Variants in MACC1 observed in about 807,000 individuals in gnomAD.
MACC1 encodes the protein metastasis-associated in colon cancer protein 1.
MACC1 carries 79 observed loss-of-function variants against 70.7 expected under a neutral mutation model. The observed-to-expected ratio is 1.12, with a 90% CI of 0.93 to 1.35. MACC1 has a LOEUF of 1.35. Ranked by LOEUF, MACC1 falls within the 40% of genes most tolerant of loss-of-function variation. The pLI, the probability that MACC1 is intolerant of heterozygous loss-of-function variation, is 0.00. For synonymous variants in MACC1, 361 were observed against 347.2 expected (o/e 1.04, Z -0.44); for missense variants, 1,106 against 978.1 (o/e 1.13, Z -1.74).
chr7:20,136,778 T>C lies in MACC1; in HGVS notation c.*4168A>G, dbSNP rs1033390494. The stretch of plus-strand genomic sequence containing the variant: ...AGAAGGAGGAGGGACTTACTTCTCC[T>C]CCTTGCGATTATTATTGCGATTAAG... On this transcript the variant is annotated 3_prime_UTR_variant, in exon 7 of 7. Coordinates refer to ENST00000400331, the MANE Select transcript of MACC1 (RefSeq NM_182762.4). 2.6e-5 allele frequency: 4 copies of C among 151,814 alleles called. No individual in the cohort carries two copies. Among genetic ancestry groups the C allele is most frequent in the African/African-American group, 9.7e-5 (4 of 41,404 alleles). The allele number at this position is 151,814 out of a possible 1,614,324, so 9.4% of individuals were successfully genotyped here. A position where few individuals can be genotyped will look rare whatever the true frequency, so the allele number is the denominator to read the frequency against.
chr7:20,205,038 A>G lies in MACC1; in HGVS notation c.-218+12261T>C, dbSNP rs181161012. Among the ~76,000 whole-genome samples the G allele has an allele frequency of 2.6e-3, 393 of 152,304 alleles. 2 individuals carry two copies. The highest frequency in any genetic ancestry group is 9.1e-3 in the African/African-American group (378 of 41,562). ...AATGAGCAAGTTTCGGTAAATTTTT[A>G]AAAGTTTGATATATGAATTCATACT... is the stretch of plus-strand genomic sequence containing the variant. On this transcript the variant is annotated intron_variant, in intron 1 of 6. Coordinates refer to ENST00000400331, the MANE Select transcript of MACC1 (RefSeq NM_182762.4).
At chr7:20,155,643 A>G (rs1003641594) in intron 5 of MACC1, among the ~76,000 whole-genome samples, 7 of 152,208 alleles carry the variant, frequency 4.6e-5, no homozygotes, top group African/African-American at 1.7e-4. Context: ...ATGAAACAAT[A>G]AGTTAAAATG....
chr7:20,210,507 AAATG>A (rs1347045053), intron 1 of MACC1, among the ~76,000 whole-genome samples: 1 of 152,246 alleles, frequency 6.6e-6, no homozygotes, highest in Non-Finnish European at 1.5e-5. Context: ...CTAACTGAAT[AAATG>A]AATGAATGAC....
In MACC1 at chr7:20,176,430, T is replaced by G. The variant is rs542024644; in HGVS notation, c.-217-5652A>C. Among the ~76,000 whole-genome samples, 5 of 152,206 alleles carry G rather than the reference T, an allele frequency of 3.3e-5. No individual in the cohort carries two copies. In the South Asian group the frequency reaches 1.0e-3, roughly 32 times the overall value. ...GTATTGAATTGATCAAGTCTATTGT[T>G]TTCAAAGCCTGTATTACTAATCATC... is the stretch of plus-strand genomic sequence containing the variant. On this transcript the variant is annotated intron_variant, in intron 1 of 6. Coordinates refer to ENST00000400331, the MANE Select transcript of MACC1 (RefSeq NM_182762.4).
chr7:20,181,955 T>C (rs2128105966), intron 1 of MACC1, among the ~76,000 whole-genome samples: 1 of 151,996 alleles, frequency 6.6e-6, no homozygotes, highest in Middle Eastern at 3.4e-3. Context: ...TAAAAATTAG[T>C]GATAGACTGG....
chr7:20,135,702 C>T lies in MACC1; in HGVS notation c.*5244G>A, dbSNP rs747439054. 2.0e-5 allele frequency: 3 copies of T among 152,226 alleles called. No individual in the cohort carries two copies. Among genetic ancestry groups the T allele is most frequent in the Non-Finnish European group, 4.4e-5 (3 of 68,066 alleles). The allele number at this position is 152,226 out of a possible 1,614,324, so 9.4% of individuals were successfully genotyped here. ...ACCACTGCCGTAATGATTGCCTGGT[C>T]TAAGGCCTTGACAATGAGACTGGAG... On this transcript the variant is annotated 3_prime_UTR_variant, in exon 7 of 7. Transcript: ENST00000400331.
intron 1 of MACC1, among the ~76,000 whole-genome samples, chr7:20,210,663 C>G (rs1782981860): frequency 6.6e-6 from 1 of 152,104 alleles, no homozygotes; most frequent in Non-Finnish European, 1.5e-5. Flanking sequence ...TATTTTGCCC[C>G]CATTTCCCCA....
intron 1 of MACC1, among the ~76,000 whole-genome samples, chr7:20,206,215 T>G (rs191907884): frequency 1.3e-5 from 2 of 152,028 alleles, no homozygotes; most frequent in Admixed American, 1.3e-4. Context: ...CATTATTGTC[T>G]CTTCCTTCCC....
intron 1 of MACC1, among the ~76,000 whole-genome samples, chr7:20,194,946 G>A (rs1782727283): frequency 6.6e-6 from 1 of 152,074 alleles, no homozygotes; most frequent in Admixed American, 6.5e-5. Flanking sequence ...GATGAGATGT[G>A]GAATTTGCCT....
At chr7:20,213,752 T>C (rs1172229145) in intron 1 of MACC1, among the ~76,000 whole-genome samples, 2 of 151,924 alleles carry the variant, frequency 1.3e-5, no homozygotes, top group East Asian at 3.9e-4. Flanking sequence ...CCGAGGCCAA[T>C]TGAAGGGTGG....
chr7:20,175,805 C>T lies in MACC1; in HGVS notation c.-217-5027G>A, dbSNP rs1782382373. Among the ~76,000 whole-genome samples the T allele has an allele frequency of 2.0e-5, 3 of 152,208 alleles. No individual in the cohort carries two copies. In the South Asian group the frequency reaches 6.2e-4, roughly 32 times the overall value. ...TTGGCCCCAGTGATAAAACCTAATG[C>T]TAATATGTTTGCTGACGGTGAAGCT... On this transcript the variant is annotated intron_variant, in intron 1 of 6. Coordinates refer to ENST00000400331, the MANE Select transcript of MACC1 (RefSeq NM_182762.4).
intron 1 of MACC1, among the ~76,000 whole-genome samples, chr7:20,180,155 T>C (rs1479706407): frequency 6.6e-6 from 1 of 152,082 alleles, no homozygotes; most frequent in Non-Finnish European, 1.5e-5. Context: ...CAAAAATATA[T>C]AGGCAATGGC....
In MACC1 at chr7:20,160,195, G is replaced by A. The variant is rs556122448; in HGVS notation, c.166C>T (p.Arg56Cys). 2.9e-5 allele frequency: 47 copies of A among 1,603,298 alleles called. No homozygotes were observed. In the Admixed American group the frequency reaches 5.7e-4, roughly 20 times the overall value. Residue 56 changes from arginine (R) to cysteine (C), a missense_variant, in exon 5 of 7, where the codon CGT becomes TGT. Arg to Cys is a radical substitution (Grantham distance 180, BLOSUM62 -3). Transcript: ENST00000400331. Reference protein sequence around the residue: ...LHNWPDAFTLRGNNASKVANP... With the variant: ...LHNWPDAFTLCGNNASKVANP... ...GCAACTTTGGAAGCATTATTACCAC[G>A]AAGGGTGAAAGCATCCGGCCAATTG...
intron 1 of MACC1, among the ~76,000 whole-genome samples, chr7:20,172,032 T>C (rs1296420943): frequency 6.6e-6 from 1 of 152,090 alleles, no homozygotes; most frequent in Non-Finnish European, 1.5e-5. Context: ...TAAAAAGACA[T>C]AACTAATGAG....
chr7:20,203,635 A>G (rs1020572021), intron 1 of MACC1, among the ~76,000 whole-genome samples: 3 of 152,174 alleles, frequency 2.0e-5, no homozygotes, highest in African/African-American at 7.2e-5. Flanking sequence ...CTGGATTGGG[A>G]TAGTCCTTCA....
chr7:20,136,971 A>G lies in MACC1; in HGVS notation c.*3975T>C, dbSNP rs1583373552. 6.7e-6 allele frequency: 1 copy of G among 148,892 alleles called. No homozygotes were observed. Among genetic ancestry groups the G allele is most frequent in the African/African-American group, 2.4e-5 (1 of 40,962 alleles). The allele number at this position is 148,892 out of a possible 1,614,324, so 9.2% of individuals were successfully genotyped here. A position where few individuals can be genotyped will look rare whatever the true frequency, so the allele number is the denominator to read the frequency against. On this transcript the variant is annotated 3_prime_UTR_variant, in exon 7 of 7. Coordinates refer to ENST00000400331, the MANE Select transcript of MACC1 (RefSeq NM_182762.4). ...ATTCTTAAAGATTATGAATTATAAT[A>G]TTAAATTATAATTAATTCTTAAAGA...
In MACC1 at chr7:20,161,879, T is replaced by C; in HGVS notation, c.-8-9A>G. The C allele has an allele frequency of 6.7e-7, 1 of 1,499,374 alleles. No individual in the cohort carries two copies. The highest frequency in any genetic ancestry group is 9.3e-7 in the Non-Finnish European group (1 of 1,076,296). 92.9% of individuals were successfully genotyped at this position (1,499,374 alleles called of 1,614,324 possible). ...GATTAGCATTTTTCCACCTACAAAG[T>C]AAATAGATAAGTATTTTTTGTAAGC... On this transcript the variant is annotated splice_polypyrimidine_tract_variant and intron_variant, in intron 3 of 6. Coordinates refer to ENST00000400331, the MANE Select transcript of MACC1 (RefSeq NM_182762.4).
chr7:20,153,719 C>G (rs1344729983), intron 6 of MACC1, among the ~76,000 whole-genome samples: 3 of 152,202 alleles, frequency 2.0e-5, no homozygotes, highest in Admixed American at 6.5e-5. Flanking sequence ...TTATCAATCT[C>G]TCATCACCAG....
rs1159332474 is a variant in MACC1 at position 20,165,500 on chromosome 7, A to AT, written c.-152-1102dup. 2.0e-5 allele frequency among the ~76,000 whole-genome samples: 3 copies of AT among 149,198 alleles called. No individual in the cohort carries two copies. In the Admixed American group the frequency reaches 2.0e-4, roughly 10 times the overall value. On this transcript the variant is annotated intron_variant, in intron 2 of 6. Transcript: ENST00000400331. ...CCTCACAGTACCATCCTAAATCTAA[A>AT]TTTTTTTCTATGAATCCAAGGAGAG...
Sources: allele counts gnomAD v4.1 joint callset (sites outside exome capture counted in the v4.1 genomes callset), GRCh38; gene constraint gnomAD v4.1.1; transcripts MANE v1.5; gene names NCBI Gene and HGNC (gene_info 2026-07-23, HGNC 2026-07-21).